Variants in SRGAP1 observed in about 807,000 individuals in gnomAD.
SRGAP1 encodes the protein SLIT-ROBO Rho GTPase activating protein 1.
A neutral mutation model predicts 121.9 loss-of-function variants in SRGAP1; 43 were observed. That is an observed-to-expected ratio of 0.35 (90% confidence interval 0.28 to 0.46). The LOEUF (loss-of-function observed/expected upper bound fraction) is 0.46, where lower values mean the gene tolerates loss of function less well. Among genes scored for constraint, SRGAP1 ranks in the 20% least tolerant of loss-of-function variants. The pLI, the probability that SRGAP1 is intolerant of heterozygous loss-of-function variation, is 1.00. For synonymous variants in SRGAP1, 447 were observed against 485.4 expected (o/e 0.92, Z 1.04); for missense variants, 1,102 against 1,350.9 (o/e 0.82, Z 2.89).
intron 4 of SRGAP1, among the ~76,000 whole-genome samples, chr12:64,026,553 C>T (rs1487055437): frequency 1.3e-5 from 2 of 151,992 alleles, no homozygotes; most frequent in African/African-American, 4.8e-5. Context: ...GTTTGGGGAC[C>T]GAAATGGACC....
intron 1 of SRGAP1, among the ~76,000 whole-genome samples, chr12:63,894,235 G>A (rs1009353112): frequency 6.6e-6 from 1 of 151,998 alleles, no homozygotes; most frequent in Non-Finnish European, 1.5e-5. Flanking sequence ...GTACTGTACA[G>A]ATTTTTAATG....
At chr12:64,056,912 C>T (rs181403287) in intron 6 of SRGAP1, among the ~76,000 whole-genome samples, 1 of 152,302 alleles carries the variant, frequency 6.6e-6, no homozygotes, top group East Asian at 1.9e-4. Flanking sequence ...TCCCCTAACT[C>T]TCCCTATTCC....
intron 6 of SRGAP1, among the ~76,000 whole-genome samples, chr12:64,058,222 C>A (rs1478473295): frequency 2.6e-5 from 4 of 152,170 alleles, no homozygotes; most frequent in Non-Finnish European, 5.9e-5. Flanking sequence ...CTGGACGTAA[C>A]CCCACTGCAA....
At chr12:63,865,955 G>T (rs999843840) in intron 1 of SRGAP1, among the ~76,000 whole-genome samples, 5 of 152,084 alleles carry the variant, frequency 3.3e-5, no homozygotes, top group Non-Finnish European at 5.9e-5. Context: ...CATCGTTGTC[G>T]GTTGTGGTAT....
In SRGAP1 at chr12:64,150,934, C is replaced by CAAAAAAAGAAAAAAAAA. The variant is rs2037113160; in HGVS notation, c.*8269_*8270insGAAAAAAAAAAAAAAAA. 4.0e-5 allele frequency: 1 copy of CAAAAAAAGAAAAAAAAA among 24,706 alleles called. No homozygotes were observed. Among genetic ancestry groups the CAAAAAAAGAAAAAAAAA allele is most frequent in the Non-Finnish European group, 1.0e-4 (1 of 9,650 alleles). 1.5% of individuals were successfully genotyped at this position (24,706 alleles called of 1,614,324 possible). ...TGGGTGGAAGAGTGAGAAGCTATCT[C>CAAAAAAAGAAAAAAAAA]AAAAAAAAAAAAAAAAAAAAAAAAA... On this transcript the variant is annotated 3_prime_UTR_variant, in exon 22 of 22. Coordinates refer to ENST00000355086, the MANE Select transcript of SRGAP1 (RefSeq NM_020762.4).
chr12:63,856,451 G>T (rs143672076), intron 1 of SRGAP1, among the ~76,000 whole-genome samples: 1 of 152,062 alleles, frequency 6.6e-6, no homozygotes, highest in Admixed American at 6.6e-5. Context: ...TGCTTTCGGC[G>T]TATGTTTTTA....
chr12:64,108,072 T>A (rs2036374530), intron 15 of SRGAP1, among the ~76,000 whole-genome samples: 1 of 152,220 alleles, frequency 6.6e-6, no homozygotes, highest in African/African-American at 2.4e-5. Context: ...TGACAGTGTG[T>A]GCCCTGCCTA....
intron 1 of SRGAP1, among the ~76,000 whole-genome samples, chr12:63,961,035 A>G (rs1265664646): frequency 1.3e-5 from 2 of 152,218 alleles, no homozygotes; most frequent in African/African-American, 4.8e-5. Flanking sequence ...GCAGTTGGAA[A>G]CATATACAAA....
At chr12:64,017,381 T>C (rs1022636712) in intron 4 of SRGAP1, among the ~76,000 whole-genome samples, 3 of 152,164 alleles carry the variant, frequency 2.0e-5, no homozygotes, top group Non-Finnish European at 4.4e-5. Flanking sequence ...TTGATGCCAT[T>C]GTGGCCAGGC....
At chr12:63,931,890 G>A (rs2031487745) in intron 1 of SRGAP1, among the ~76,000 whole-genome samples, 1 of 152,162 alleles carries the variant, frequency 6.6e-6, no homozygotes, top group Non-Finnish European at 1.5e-5. Flanking sequence ...TGCTGATCAG[G>A]TCTGGTTTGA....
At chr12:64,118,949 C>T (rs796350090) in intron 18 of SRGAP1, among the ~76,000 whole-genome samples, 7 of 152,172 alleles carry the variant, frequency 4.6e-5, no homozygotes, top group African/African-American at 7.2e-5. Flanking sequence ...TCAAGTGATC[C>T]GCCCACCTCA....
intron 9 of SRGAP1, among the ~76,000 whole-genome samples, chr12:64,079,791 G>A (rs1415168642): frequency 2.0e-5 from 3 of 152,080 alleles, no homozygotes; most frequent in Non-Finnish European, 2.9e-5. Context: ...GGTACAGAAG[G>A]AACCTGAGAG....
intron 1 of SRGAP1, among the ~76,000 whole-genome samples, chr12:63,925,158 G>A (rs2031211872): frequency 6.6e-6 from 1 of 152,168 alleles, no homozygotes; most frequent in African/African-American, 2.4e-5. Flanking sequence ...TTATGAAGAA[G>A]TGGCCTGCCT....
At chr12:63,906,129 A>G (rs2030196360) in intron 1 of SRGAP1, among the ~76,000 whole-genome samples, 1 of 152,204 alleles carries the variant, frequency 6.6e-6, no homozygotes, top group Non-Finnish European at 1.5e-5. Flanking sequence ...ATATAAATGG[A>G]ATCAAATAAC....
At chr12:63,959,462 T>C (rs1396230197) in intron 1 of SRGAP1, among the ~76,000 whole-genome samples, 1 of 152,134 alleles carries the variant, frequency 6.6e-6, no homozygotes, top group Non-Finnish European at 1.5e-5. Context: ...ACTCAAGAAA[T>C]CCAATTCAGC....
At chr12:63,886,801 T>C (rs1002218792) in intron 1 of SRGAP1, among the ~76,000 whole-genome samples, 10 of 151,868 alleles carry the variant, frequency 6.6e-5, no homozygotes, top group Non-Finnish European at 1.3e-4. Flanking sequence ...TTTTTTTTGT[T>C]ACTGAATTTA....
chr12:64,045,032 C>A (rs1469197632), intron 6 of SRGAP1, among the ~76,000 whole-genome samples: 1 of 152,012 alleles, frequency 6.6e-6, no homozygotes, highest in Non-Finnish European at 1.5e-5. Context: ...CTCAAAACAA[C>A]TTTATCCTAT....
intron 2 of SRGAP1, among the ~76,000 whole-genome samples, chr12:63,986,666 G>A (rs759164455): frequency 7.9e-5 from 12 of 152,082 alleles, no homozygotes; most frequent in Non-Finnish European, 1.8e-4. Context: ...CAAGTGATCC[G>A]CCTGCCTCAG....
At chr12:64,034,360 A>G (rs140268575) in intron 4 of SRGAP1, among the ~76,000 whole-genome samples, 37 of 152,226 alleles carry the variant, frequency 2.4e-4, no homozygotes, top group African/African-American at 6.3e-4. Flanking sequence ...AAGCCTCCCC[A>G]GCCATGCTTC....
Sources: gnomAD v4.1 joint callset for allele counts (sites outside exome capture counted in the v4.1 genomes callset) on GRCh38, gnomAD v4.1.1 for gene constraint, MANE v1.5 for transcripts, NCBI Gene and HGNC (gene_info 2026-07-23, HGNC 2026-07-21) for gene names.